Variants in OSMR observed in about 807,000 individuals in gnomAD.
OSMR encodes oncostatin M receptor, also known as oncostatin-M-specific receptor subunit beta.
In OSMR, 81 loss-of-function variants were observed where a neutral mutation model predicts 99.9. That is an observed-to-expected ratio of 0.81 (90% CI 0.68 to 0.97). The LOEUF is 0.97. Ranked by LOEUF, OSMR falls within the 50% of genes least tolerant of loss-of-function variation. The pLI is 0.00. For synonymous variants in OSMR, 406 were observed against 410.4 expected, an observed-to-expected ratio of 0.99 and a Z score of 0.13; for missense variants, 1,099 against 1,153.4, an observed-to-expected ratio of 0.95 and a Z score of 0.68.
intron 1 of OSMR, chr5:38,942,262 G>T: frequency 8.5e-7 from 1 of 1,177,624 alleles, no homozygotes; most frequent in South Asian, 1.6e-5. Context: ...CCACAAATAT[G>T]AATATATATA....
downstream of OSMR, chr5:38,945,372 T>TGC (rs1370426170): frequency 1.5e-6 from 1 of 683,038 alleles, no homozygotes; most frequent in Non-Finnish European, 2.5e-6. Context: ...CATATCAGTG[T>TGC]GCTGCAGCTC....
At chr5:38,896,149 A>G (rs969822524) in intron 7 of OSMR, among the ~76,000 whole-genome samples, 10 of 152,004 alleles carry the variant, frequency 6.6e-5, no homozygotes, top group African/African-American at 2.4e-4. Flanking sequence ...GTGGTTCCAT[A>G]TACATTTTAG....
In OSMR at chr5:38,933,517, G is replaced by C; in HGVS notation, c.*73G>C. 6.5e-7 allele frequency: 1 copy of C among 1,535,706 alleles called. No individual in the cohort carries two copies. The highest frequency in any genetic ancestry group is 9.0e-7 in the Non-Finnish European group (1 of 1,113,308). ...CAGAGCTGGCACCCTGTCATCACCA[G>C]TGGCCTTGGTCCTTAATCCCAGTAC... is the stretch of plus-strand genomic sequence containing the variant. On this transcript the variant is annotated 3_prime_UTR_variant, in exon 18 of 18. Coordinates refer to ENST00000274276, the MANE Select transcript of OSMR (RefSeq NM_003999.3).
At chr5:38,861,850 C>CG (rs1334621700) in intron 1 of OSMR, among the ~76,000 whole-genome samples, 1 of 144,042 alleles carries the variant, frequency 6.9e-6, no homozygotes, top group Non-Finnish European at 1.5e-5. Flanking sequence ...ACCTCACAGA[C>CG]GGGGCGGCTG....
chr5:38,919,167 A>G (rs1746100412), intron 11 of OSMR, 105 bp downstream of exon 11: 1 of 1,503,170 alleles, frequency 6.7e-7, no homozygotes, highest in South Asian at 1.4e-5. Context: ...TAGGAAGACA[A>G]AATGTCTAGT....
chr5:38,922,397 G>A (rs1324273863), intron 12 of OSMR, among the ~76,000 whole-genome samples: 1 of 152,218 alleles, frequency 6.6e-6, no homozygotes, highest in Non-Finnish European at 1.5e-5. Flanking sequence ...GTTGTGGAAG[G>A]AGATTGCAGA....
chr5:38,917,019 G>T (rs1026844711), intron 9 of OSMR, among the ~76,000 whole-genome samples: 1 of 152,032 alleles, frequency 6.6e-6, no homozygotes, highest in Non-Finnish European at 1.5e-5. Flanking sequence ...TGACCCAGGC[G>T]CAGGCAAGGT....
At chr5:38,919,175 A>G (rs750010034) in intron 11 of OSMR, 113 bp downstream of exon 11, 19 of 1,547,524 alleles carry the variant, frequency 1.2e-5, no homozygotes, top group Non-Finnish European at 1.7e-5. Flanking sequence ...CAAAATGTCT[A>G]GTCACTAAAC....
intron 1 of OSMR, among the ~76,000 whole-genome samples, chr5:38,847,096 G>A (rs1463859227): frequency 6.6e-6 from 1 of 152,106 alleles, no homozygotes; most frequent in African/African-American, 2.4e-5. Context: ...TAAATGGAAG[G>A]GTCTATGAAG....
chr5:38,903,660 A>T, intron 7 of OSMR: 1 of 494,070 alleles, frequency 2.0e-6, no homozygotes, highest in Non-Finnish European at 2.6e-6. Flanking sequence ...GTCCTCAAGT[A>T]GTTTCTTTTT....
intron 11 of OSMR, 143 bp downstream of exon 11, chr5:38,919,205 A>G: frequency 6.5e-7 from 1 of 1,537,230 alleles, no homozygotes; most frequent in Admixed American, 2.0e-5. Flanking sequence ...CTTTTGGGCC[A>G]GGTGTGTCAA....
At chr5:38,935,661 CAATGA>C (rs1257187784), downstream of OSMR, 2 of 152,138 alleles carry the variant, frequency 1.3e-5, no homozygotes, top group Non-Finnish European at 2.9e-5. Context: ...TTATCTCCCT[CAATGA>C]AATGAAAATC....
intron 7 of OSMR, among the ~76,000 whole-genome samples, chr5:38,903,460 C>G (rs551678838): frequency 2.3e-4 from 35 of 152,358 alleles, no homozygotes; most frequent in Non-Finnish European, 4.0e-4. Context: ...CTGAGCTGTT[C>G]TGGCCAATCC....
downstream of OSMR, chr5:38,938,451 T>C: frequency 4.3e-6 from 1 of 231,790 alleles, no homozygotes. Flanking sequence ...ATCAACCAAG[T>C]AGCAAAATTG....
intron 7 of OSMR, among the ~76,000 whole-genome samples, chr5:38,891,288 G>C (rs1031707071): frequency 1.2e-4 from 19 of 152,232 alleles, no homozygotes; most frequent in African/African-American, 4.6e-4. Flanking sequence ...TCAGGAAGGA[G>C]GCAAGGTGCT....
chr5:38,886,102 C>T lies in OSMR; in HGVS notation c.903C>T (p.Asp301=), dbSNP rs181303223. The T allele has an allele frequency of 1.6e-4, 262 of 1,613,682 alleles. 4 individuals carry two copies. In the East Asian group the frequency reaches 5.2e-3, roughly 32 times the overall value. The part of the protein sequence containing the change: ...KNWCNWQITQ[D]SQETYNFTLI... The stretch of plus-strand genomic sequence containing the variant: ...GGTGTAATTGGCAAATAACTCAAGA[C>T]TCACAAGAAACCTATAACTTCACAC... The change falls in exon 7 of 18, where the codon GAC becomes GAT. Residue 301 remains aspartate, a synonymous_variant. Transcript: ENST00000274276.
At chr5:38,939,294 A>C (rs1215708049), downstream of OSMR, 1 of 232,446 alleles carries the variant, frequency 4.3e-6, no homozygotes, top group African/African-American at 2.2e-5. Context: ...TCTAGATAAA[A>C]GAGCTGAAAC....
intron 1 of OSMR, chr5:38,941,899 A>C (rs564788928): frequency 4.3e-6 from 1 of 234,498 alleles, no homozygotes; most frequent in East Asian, 6.0e-5. Flanking sequence ...TTAACAAACA[A>C]GGCATCTGTA....
downstream of OSMR, chr5:38,939,180 A>G (rs1319290150): frequency 1.3e-5 from 3 of 232,928 alleles, no homozygotes; most frequent in African/African-American, 4.4e-5. Flanking sequence ...ATAACATTTT[A>G]TATAAATAGC....
Sources: gnomAD v4.1 joint callset for allele counts (sites outside exome capture counted in the v4.1 genomes callset) on GRCh38, gnomAD v4.1.1 for gene constraint, MANE v1.5 for transcripts, NCBI Gene and HGNC (gene_info 2026-07-23, HGNC 2026-07-21) for gene names.